TACC2: variants seen among roughly 807,000 people sequenced by gnomAD.
The protein encoded by TACC2 is transforming acidic coiled-coil-containing protein 2.
In TACC2, 137 loss-of-function variants were observed where a neutral mutation model predicts 227.3. The observed-to-expected ratio is 0.60, with a 90% CI of 0.52 to 0.69. The LOEUF (loss-of-function observed/expected upper bound fraction) is 0.69, where lower values mean the gene tolerates loss of function less well. Ranked by LOEUF, TACC2 falls within the 30% of genes least tolerant of loss-of-function variation. The probability of loss-of-function intolerance (pLI) is 0.00; values close to 1 mark genes in which losing one functional copy is unlikely to be tolerated. For synonymous variants in TACC2, 1,523 were observed against 1,487.5 expected, an observed-to-expected ratio of 1.02 and a Z score of -0.55; for missense variants, 3,470 against 3,694.4, an observed-to-expected ratio of 0.94 and a Z score of 1.57.
rs1466189712 is a variant in TACC2, at chr10:122,223,207, G to A, written c.7547-1519G>A. Among the ~76,000 whole-genome samples, 2 of 151,656 alleles carry A rather than the reference G, an allele frequency of 1.3e-5. 1 individual carries two copies. Among genetic ancestry groups the A allele is most frequent in the African/African-American group, 4.8e-5 (2 of 41,288 alleles). ...TAGCTGGAACTACAGGTATGTGCCC[G>A]GCTAATTTTAGTATTTTTAGTAGAG... On this transcript the variant is annotated intron_variant, in intron 11 of 22. Transcript: ENST00000369005.
At chr10:122,225,628 G>C (rs1185809584) in intron 12 of TACC2, among the ~76,000 whole-genome samples, 1 of 152,202 alleles carries the variant, frequency 6.6e-6, no homozygotes, top group African/African-American at 2.4e-5. Flanking sequence ...ACATTTTACC[G>C]CTGAAGGGGA....
chr10:122,076,128 A>G (rs1386780261), intron 3 of TACC2, among the ~76,000 whole-genome samples: 2 of 152,116 alleles, frequency 1.3e-5, no homozygotes, highest in Admixed American at 6.6e-5. Context: ...GGAGGCTGAG[A>G]AGTCCAAGGG....
At chr10:122,020,848 T>C (rs1957243227) in intron 1 of TACC2, among the ~76,000 whole-genome samples, 1 of 152,186 alleles carries the variant, frequency 6.6e-6, no homozygotes, top group Non-Finnish European at 1.5e-5. Flanking sequence ...GGCCTGAATA[T>C]GTTACAGCGT....
chr10:122,069,244 A>AT (rs141058517), intron 3 of TACC2, among the ~76,000 whole-genome samples: 45 of 149,174 alleles, frequency 3.0e-4, no homozygotes, highest in African/African-American at 5.0e-4. Flanking sequence ...TATTTTATTT[A>AT]TTTTTTTTTT....
At chr10:122,075,073 TA>T (rs1342859461) in intron 3 of TACC2, among the ~76,000 whole-genome samples, 1 of 151,426 alleles carries the variant, frequency 6.6e-6, no homozygotes, top group African/African-American at 2.4e-5. Context: ...AATTATGAAA[TA>T]GATGCCACAG....
chr10:122,090,596 A>G (rs1194889909), intron 5 of TACC2, among the ~76,000 whole-genome samples: 1 of 151,792 alleles, frequency 6.6e-6, no homozygotes, highest in Non-Finnish European at 1.5e-5. Flanking sequence ...TAGACAGAGA[A>G]AAATTCACAA....
intron 1 of TACC2, among the ~76,000 whole-genome samples, chr10:121,996,037 C>T (rs972282407): frequency 1.3e-5 from 2 of 152,118 alleles, no homozygotes; most frequent in Admixed American, 6.5e-5. Context: ...CAGGCATGAG[C>T]CACTGCACCT....
chr10:122,050,637 T>C lies in TACC2; in HGVS notation c.146+87T>C, dbSNP rs114548834. 2,244 of 1,075,006 alleles carry C rather than the reference T, an allele frequency of 2.1e-3. 27 individuals carry two copies. The African/African-American group carries it at 0.032, about 15-fold the overall frequency. The allele number at this position is 1,075,006 out of a possible 1,614,324, so 66.6% of individuals were successfully genotyped here. ...CAGCATTAGCTTTGCCCCATTTGCT[T>C]TGGAAACTGGACCCTTAGACACATG... On this transcript the variant is annotated intron_variant, in intron 3 of 22. Transcript: ENST00000369005. This position sits in a 1 kb window ranked among gnomAD's most constrained non-coding sequence, Gnocchi z 4.6.
At chr10:122,026,641 A>C (rs1378079080) in intron 2 of TACC2, among the ~76,000 whole-genome samples, 3 of 151,090 alleles carry the variant, frequency 2.0e-5, no homozygotes, top group Admixed American at 6.6e-5. Context: ...TCCCTCCCAC[A>C]CCTCTCAATC....
At chr10:122,063,036 A>G (rs2077008011) in intron 3 of TACC2, among the ~76,000 whole-genome samples, 1 of 150,594 alleles carries the variant, frequency 6.6e-6, no homozygotes, top group African/African-American at 2.4e-5. Flanking sequence ...GGTTTGATCC[A>G]CCTGAAACCC....
At chr10:122,155,753 G>C in intron 7 of TACC2, among the ~76,000 whole-genome samples, 1 of 151,876 alleles carries the variant, frequency 6.6e-6, no homozygotes, top group Non-Finnish European at 1.5e-5. Context: ...TGGGTTATCC[G>C]AAGGAAATTG....
In TACC2 at chr10:122,195,142, C is replaced by G. The variant is rs138045107; in HGVS notation, c.5937C>G (p.Pro1979=). Residue 1979 remains proline, a synonymous_variant, in exon 8 of 23, where the codon CCC becomes CCG. Coordinates refer to ENST00000369005, the MANE Select transcript of TACC2 (RefSeq NM_206862.4). ...CACCCCCCGAAGTCATCCCAGAACC[C>G]GAGGTCAGCACACAGCCACCCCCGG... ...PPPPPEVIPE[P]EVSTQPPPEE... is the part of the protein sequence containing the mutation. 3.1e-5 allele frequency: 50 copies of G among 1,613,048 alleles called. No homozygotes were observed. The highest frequency in any genetic ancestry group is 4.1e-5 in the Non-Finnish European group (48 of 1,179,566).
chr10:122,081,086 C>T lies in TACC2; in HGVS notation c.147-1561C>T, dbSNP rs1461329491. 2.6e-5 allele frequency among the ~76,000 whole-genome samples: 4 copies of T among 151,998 alleles called. No individual in the cohort carries two copies. In the East Asian group the frequency reaches 5.8e-4, roughly 22 times the overall value. On this transcript the variant is annotated intron_variant, in intron 3 of 22. Coordinates refer to ENST00000369005, the MANE Select transcript of TACC2 (RefSeq NM_206862.4). The stretch of plus-strand genomic sequence containing the variant: ...ATGTAAAAATAACAAGAATTGTACC[C>T]CCAAACAATTGTGTAGGAAAAATCA...
At position 122,050,404 on chromosome 10, in the gene TACC2, A is replaced by T; in HGVS notation, c.34-34A>T. On this transcript the variant is annotated intron_variant, in intron 2 of 22. Coordinates refer to ENST00000369005, the MANE Select transcript of TACC2 (RefSeq NM_206862.4). The surrounding 1 kb of genome is among the most constrained non-coding windows in gnomAD (Gnocchi z 4.6). Reference sequence around the variant, plus strand: ...TTGTGTTTTCAGAGACTCCTATCTGATTTCCTTTCCAATTTCTTTTTCTCC... The same window carrying T: ...TTGTGTTTTCAGAGACTCCTATCTGTTTTCCTTTCCAATTTCTTTTTCTCC... The T allele has an allele frequency of 6.4e-7, 1 of 1,560,506 alleles. No individual in the cohort carries two copies. The highest frequency in any genetic ancestry group is 8.8e-7 in the Non-Finnish European group (1 of 1,133,380).
At chr10:122,238,677 C>T (rs1461840745) in intron 18 of TACC2, among the ~76,000 whole-genome samples, 1 of 152,114 alleles carries the variant, frequency 6.6e-6, no homozygotes, top group Non-Finnish European at 1.5e-5. Flanking sequence ...TCTCAAACTC[C>T]TGACCTCAGA....
At position 122,226,431 on chromosome 10, in the gene TACC2, T is replaced by C. The variant is rs142125896; in HGVS notation, c.7674T>C (p.Pro2558=). The C allele has an allele frequency of 3.5e-3, 5,640 of 1,614,070 alleles. 15 individuals are homozygous for C. Among genetic ancestry groups the C allele is most frequent in the Non-Finnish European group, 4.1e-3 (4,858 of 1,180,000 alleles). ...TGTTTGACACTTCTCAGGAGAGCCC[T>C]GTCAAGTCATCTCCCGTCCGCATGT... The part of the protein sequence containing the change: ...YLMFDTSQES[P]VKSSPVRMSE... Residue 2558 remains proline, a synonymous_variant, in exon 13 of 23, where the codon CCT becomes CCC. Coordinates refer to ENST00000369005, the MANE Select transcript of TACC2 (RefSeq NM_206862.4).
chr10:122,203,599 G>GGGAT (rs2094969865), intron 8 of TACC2, among the ~76,000 whole-genome samples: 14 of 151,696 alleles, frequency 9.2e-5, no homozygotes, highest in African/African-American at 3.4e-4. Context: ...CTCAGAAGAT[G>GGGAT]GGCGGCCGGG....
rs779970534 is a variant in TACC2 at position 122,087,707 on chromosome 10, T to C, written c.5207T>C (p.Val1736Ala). The C allele has an allele frequency of 2.5e-6, 4 of 1,612,810 alleles. No homozygotes were observed. Among genetic ancestry groups the C allele is most frequent in the Non-Finnish European group, 3.4e-6 (4 of 1,179,866 alleles). ...EAGTTRTFSV[V>A]AGDLVLPGSC... ...GGTACTACGAGGACATTCTCCGTTG[T>C]GGCAGGTGACTTGGTGCTGCCAGGA... The change falls in exon 4 of 23, where the codon GTG becomes GCG. Residue 1736 changes from valine (V) to alanine (A), a missense_variant. Transcript: ENST00000369005.
chr10:122,206,818 G>A (rs1382263922), intron 8 of TACC2, among the ~76,000 whole-genome samples: 1 of 152,206 alleles, frequency 6.6e-6, no homozygotes, highest in Non-Finnish European at 1.5e-5. Context: ...GGTGGAGGAA[G>A]TGTTGTGTAT....
Sources: gnomAD v4.1 joint callset for allele counts (sites outside exome capture counted in the v4.1 genomes callset) on GRCh38, gnomAD v4.1.1 for gene constraint, Gnocchi (gnomAD v3.1) non-coding constraint, MANE v1.5 for transcripts, NCBI Gene and HGNC (gene_info 2026-07-23, HGNC 2026-07-21) for gene names.